LRRC4C: variants seen among roughly 807,000 people sequenced by gnomAD.
The protein encoded by LRRC4C is leucine-rich repeat-containing protein 4C.
In LRRC4C, 5 loss-of-function variants were observed where a neutral mutation model predicts 33.6. The observed-to-expected ratio is 0.15, with a 90% CI of 0.08 to 0.31. LRRC4C has a LOEUF of 0.31. Ranked by LOEUF, LRRC4C falls within the 10% of genes least tolerant of loss-of-function variation. LRRC4C has a pLI of 1.00. For missense variants in LRRC4C, 560 were observed against 796.7 expected (o/e 0.70, Z 3.58); for synonymous variants, 329 against 302.0 (o/e 1.09, Z -0.93).
chr11:40,308,798 T>C (rs1458163838), intron 4 of LRRC4C, among the ~76,000 whole-genome samples: 2 of 152,146 alleles, frequency 1.3e-5, no homozygotes, highest in Admixed American at 1.3e-4. Flanking sequence ...AGTAGAGCTA[T>C]GAGATTAAGA....
At chr11:40,663,478 C>T (rs1943554003) in intron 2 of LRRC4C, among the ~76,000 whole-genome samples, 1 of 152,142 alleles carries the variant, frequency 6.6e-6, no homozygotes. Context: ...AACCTAGACA[C>T]ATTTTCTATT....
rs576627104 is a variant in LRRC4C, at chr11:40,539,995, A to T, written c.-270+108147T>A. On this transcript the variant is annotated intron_variant, in intron 3 of 6. Coordinates refer to ENST00000528697, the MANE Select transcript of LRRC4C (RefSeq NM_001258419.2). ...ATTTTTTTTGTCATGTGGCTTCAGGAATAAATCAGATATCCCAACTCAGTT... is the reference window on the plus strand; with the variant it reads ...ATTTTTTTTGTCATGTGGCTTCAGGTATAAATCAGATATCCCAACTCAGTT... 4.1e-3 allele frequency among the ~76,000 whole-genome samples: 628 copies of T among 152,280 alleles called. 2 individuals are homozygous for T. The highest frequency in any genetic ancestry group is 0.011 in the African/African-American group (450 of 41,566).
chr11:40,707,658 G>T (rs1002551866), intron 2 of LRRC4C, among the ~76,000 whole-genome samples: 2 of 147,404 alleles, frequency 1.4e-5, no homozygotes, highest in African/African-American at 5.2e-5. Flanking sequence ...CAGGGATATT[G>T]GTCTAAAATT....
At chr11:41,217,287 T>A (rs1947103156) in intron 1 of LRRC4C, among the ~76,000 whole-genome samples, 1 of 152,196 alleles carries the variant, frequency 6.6e-6, no homozygotes, top group South Asian at 2.1e-4. Context: ...CTGGTAACTA[T>A]TGTCAAATCA....
chr11:41,204,558 A>C (rs1946523230), intron 1 of LRRC4C, among the ~76,000 whole-genome samples: 1 of 152,194 alleles, frequency 6.6e-6, no homozygotes, highest in Non-Finnish European at 1.5e-5. Context: ...ATGGCTTTAA[A>C]AGACTAACTC....
At chr11:40,812,742 T>G (rs997977087) in intron 2 of LRRC4C, among the ~76,000 whole-genome samples, 5 of 152,194 alleles carry the variant, frequency 3.3e-5, no homozygotes, top group East Asian at 1.9e-4. Context: ...AAGCAGCTTC[T>G]GTGGATAATG....
intron 4 of LRRC4C, among the ~76,000 whole-genome samples, chr11:40,256,943 TC>T (rs1233549143): frequency 6.6e-6 from 1 of 152,204 alleles, no homozygotes; most frequent in African/African-American, 2.4e-5. Context: ...TATCAAGCCA[TC>T]GGGTGTTTCT....
chr11:40,626,269 A>C, intron 3 of LRRC4C, among the ~76,000 whole-genome samples: 1 of 152,022 alleles, frequency 6.6e-6, no homozygotes, highest in Non-Finnish European at 1.5e-5. Flanking sequence ...ACTCAAATCC[A>C]TCTTCTCAGG....
chr11:41,186,546 AGATATTGATATGTTGT>A lies in LRRC4C; in HGVS notation c.-495-252839_-495-252824del, dbSNP rs571573003. Among the ~76,000 whole-genome samples, 11 of 152,304 alleles carry A rather than the reference AGATATTGATATGTTGT, an allele frequency of 7.2e-5. No homozygotes were observed. The South Asian group carries it at 2.3e-3, about 32-fold the overall frequency. ...TGTATCTTTATCTTTAAAATTCCTT[AGATATTGATATGTTGT>A]GATTTCACTGTGATAAAGAAGCATA... is the stretch of plus-strand genomic sequence containing the variant. On this transcript the variant is annotated intron_variant, in intron 1 of 6. Coordinates refer to ENST00000528697, the MANE Select transcript of LRRC4C (RefSeq NM_001258419.2).
intron 3 of LRRC4C, among the ~76,000 whole-genome samples, chr11:40,369,676 T>C (rs983281971): frequency 6.6e-6 from 1 of 152,220 alleles, no homozygotes; most frequent in Non-Finnish European, 1.5e-5. Flanking sequence ...AGTTTTCTAA[T>C]TGGCAAACAT....
chr11:40,409,906 T>C (rs968513313), intron 3 of LRRC4C, among the ~76,000 whole-genome samples: 1 of 152,120 alleles, frequency 6.6e-6, no homozygotes, highest in Admixed American at 6.6e-5. Flanking sequence ...TAGTTTGATT[T>C]AGCCATTTTA....
chr11:40,262,695 G>T (rs535113007), intron 4 of LRRC4C, among the ~76,000 whole-genome samples: 1 of 152,224 alleles, frequency 6.6e-6, no homozygotes, highest in African/African-American at 2.4e-5. Context: ...CATGGATGCA[G>T]CCAGAAACCA....
chr11:40,821,749 A>G (rs1951938248), intron 2 of LRRC4C, among the ~76,000 whole-genome samples: 1 of 151,760 alleles, frequency 6.6e-6, no homozygotes, highest in African/African-American at 2.4e-5. Flanking sequence ...AAAGGAACTA[A>G]GAAGACATGA....
At chr11:40,386,847 C>T (rs565675220) in intron 3 of LRRC4C, among the ~76,000 whole-genome samples, 98 of 152,146 alleles carry the variant, frequency 6.4e-4, no homozygotes, top group African/African-American at 2.0e-3. Flanking sequence ...ATTGGAAAGC[C>T]GACATACATA....
At chr11:40,861,432 T>G (rs1954096292) in intron 2 of LRRC4C, among the ~76,000 whole-genome samples, 1 of 152,190 alleles carries the variant, frequency 6.6e-6, no homozygotes, top group Admixed American at 6.5e-5. Context: ...CTCTTTATTA[T>G]GTGAAACTCC....
chr11:40,975,945 C>T (rs1254209169), intron 1 of LRRC4C, among the ~76,000 whole-genome samples: 2 of 152,160 alleles, frequency 1.3e-5, no homozygotes, highest in South Asian at 4.1e-4. Context: ...AGAGGTGTCT[C>T]ATCAGGCATA....
At chr11:41,453,386 C>T (rs1291716265) in intron 1 of LRRC4C, among the ~76,000 whole-genome samples, 2 of 152,068 alleles carry the variant, frequency 1.3e-5, no homozygotes, top group Non-Finnish European at 2.9e-5. Context: ...CTTTCAGAGG[C>T]CCCTTAGAGA....
intron 1 of LRRC4C, among the ~76,000 whole-genome samples, chr11:41,237,909 A>G (rs1948091564): frequency 6.6e-6 from 1 of 152,196 alleles, no homozygotes; most frequent in African/African-American, 2.4e-5. Flanking sequence ...CAATTTCATT[A>G]AAAATATCTT....
intron 2 of LRRC4C, among the ~76,000 whole-genome samples, chr11:40,860,106 A>ATAAATAAG (rs1303816795): frequency 1.3e-5 from 2 of 151,466 alleles, no homozygotes; most frequent in Non-Finnish European, 1.5e-5. Flanking sequence ...AAATAAATAA[A>ATAAATAAG]TAAATAAATA....
Sources: gnomAD v4.1 joint callset for allele counts (sites outside exome capture counted in the v4.1 genomes callset) on GRCh38, gnomAD v4.1.1 for gene constraint, MANE v1.5 for transcripts, NCBI Gene and HGNC (gene_info 2026-07-23, HGNC 2026-07-21) for gene names.